The following ILKAP variants were observed in gnomAD, a reference collection of about 807,000 sequenced individuals.
ILKAP encodes ILK associated serine/threonine phosphatase.
ILKAP carries 11 observed loss-of-function variants against 49.1 expected under a neutral mutation model. The ratio of observed to expected loss-of-function variants is 0.22; its 90% CI spans 0.14 to 0.37. ILKAP has a LOEUF of 0.37. Ranked by LOEUF, ILKAP falls within the 10% of genes least tolerant of loss-of-function variation. The pLI, the probability that ILKAP is intolerant of heterozygous loss-of-function variation, is 1.00. For synonymous variants in ILKAP, 186 were observed against 192.8 expected (o/e 0.96, Z 0.29); for missense variants, 363 against 510.8 (o/e 0.71, Z 2.79).
At chr2:238,176,398 T>C (rs976238915) in intron 9 of ILKAP, among the ~76,000 whole-genome samples, 6 of 152,152 alleles carry the variant, frequency 3.9e-5, no homozygotes, top group Admixed American at 3.9e-4. Context: ...CCCAAAGTGC[T>C]GGGATTACAG....
chr2:238,171,700 C>T (rs928739963), intron 10 of ILKAP, among the ~76,000 whole-genome samples: 2 of 152,158 alleles, frequency 1.3e-5, no homozygotes, highest in African/African-American at 4.8e-5. Flanking sequence ...CACCATAGGC[C>T]TTACACCACT....
chr2:238,184,201 A>G (rs1252897996), intron 6 of ILKAP, 88 bp from the exon 7 acceptor site: 18 of 834,842 alleles, frequency 2.2e-5, no homozygotes, highest in African/African-American at 3.4e-5. Context: ...TTTTTGTTTT[A>G]TTTTTTTGAG....
intron 9 of ILKAP, among the ~76,000 whole-genome samples, chr2:238,180,871 T>G (rs547459882): frequency 6.6e-6 from 1 of 152,326 alleles, no homozygotes; most frequent in South Asian, 2.1e-4. Context: ...AATGTAAAAC[T>G]TACAAGAAAG....
chr2:238,203,570 A>T lies in ILKAP; in HGVS notation c.-17T>A, dbSNP rs1694668490. On this transcript the variant is annotated 5_prime_UTR_variant, in exon 1 of 12. Coordinates refer to ENST00000254654, the MANE Select transcript of ILKAP (RefSeq NM_030768.3). ...GAGGTCCATGGCGGAGGCTGGGTGGAGGCGGCAGCAGCGACAGACACTCAG... is the reference window on the plus strand; with the variant it reads ...GAGGTCCATGGCGGAGGCTGGGTGGTGGCGGCAGCAGCGACAGACACTCAG... 8 of 1,150,358 alleles carry T rather than the reference A, an allele frequency of 7.0e-6. No individual in the cohort carries two copies. The highest frequency in any genetic ancestry group is 4.2e-5 in the East Asian group (1 of 24,012). The allele number at this position is 1,150,358 out of a possible 1,614,324, so 71.3% of individuals were successfully genotyped here. A position where few individuals can be genotyped will look rare whatever the true frequency, so the allele number is the denominator to read the frequency against.
intron 1 of ILKAP, among the ~76,000 whole-genome samples, chr2:238,197,978 A>G (rs530856308): frequency 5.3e-5 from 8 of 152,308 alleles, no homozygotes; most frequent in Admixed American, 5.2e-4. Context: ...GTGGGGATTC[A>G]AAGCCATGCA....
chr2:238,196,263 G>GT (rs1247167376), intron 1 of ILKAP, among the ~76,000 whole-genome samples: 2 of 151,904 alleles, frequency 1.3e-5, no homozygotes, highest in Non-Finnish European at 2.9e-5. Context: ...AATAATTTTT[G>GT]TATTTTTAGT....
chr2:238,197,355 CCAGA>C (rs763508727), intron 1 of ILKAP, among the ~76,000 whole-genome samples: 7 of 152,194 alleles, frequency 4.6e-5, no homozygotes, highest in Non-Finnish European at 7.3e-5. Flanking sequence ...ATGAGATGTT[CCAGA>C]CAATCACGCT....
intron 1 of ILKAP, among the ~76,000 whole-genome samples, chr2:238,195,997 T>C (rs866345288): frequency 8.6e-4 from 90 of 104,864 alleles, no homozygotes; most frequent in African/African-American, 2.6e-3. Context: ...TGAGCCATGA[T>C]TGGGCCACTG....
intron 9 of ILKAP, 62 bp from the exon 10 acceptor site, chr2:238,173,715 G>C: frequency 6.5e-7 from 1 of 1,544,368 alleles, no homozygotes; most frequent in South Asian, 1.2e-5. Context: ...ACAGTACTTA[G>C]AATCTCACCT....
chr2:238,180,642 G>A (rs1049893322), intron 9 of ILKAP, among the ~76,000 whole-genome samples: 2 of 152,228 alleles, frequency 1.3e-5, no homozygotes, highest in African/African-American at 4.8e-5. Context: ...CAGGGGCAGC[G>A]ACCCACGCTG....
intron 3 of ILKAP, 150 bp from the exon 4 acceptor site, chr2:238,190,122 T>G: frequency 3.3e-6 from 2 of 610,544 alleles, no homozygotes; most frequent in Non-Finnish European, 5.1e-6. Context: ...TGTGTCTTCA[T>G]GGTTGGCGGG....
intron 5 of ILKAP, 147 bp from the exon 6 acceptor site, chr2:238,185,434 T>C: frequency 1.8e-6 from 1 of 545,802 alleles, no homozygotes; most frequent in Non-Finnish European, 3.3e-6. Context: ...CTGTTACAAA[T>C]GGGAAAAAAA....
At chr2:238,182,504 G>A (rs1240804180) in intron 8 of ILKAP, among the ~76,000 whole-genome samples, 1 of 152,188 alleles carries the variant, frequency 6.6e-6, no homozygotes, top group African/African-American at 2.4e-5. Context: ...CAAGTATCAA[G>A]GTCCCTTTTG....
chr2:238,189,997 AG>A (rs758497352), intron 3 of ILKAP, 25 bp from the exon 4 acceptor site: 1 of 1,612,994 alleles, frequency 6.2e-7, no homozygotes, highest in Admixed American at 1.7e-5. Context: ...AAAGCCAGAC[AG>A]AAACACAGCT....
intron 4 of ILKAP, among the ~76,000 whole-genome samples, chr2:238,189,441 T>C (rs1358206571): frequency 6.6e-6 from 1 of 152,244 alleles, no homozygotes; most frequent in East Asian, 1.9e-4. Flanking sequence ...TGACTACAAA[T>C]TTCAACGGCT....
chr2:238,196,086 C>CTTTTTT (rs34504570), intron 1 of ILKAP, among the ~76,000 whole-genome samples: 10 of 77,468 alleles, frequency 1.3e-4, no homozygotes, highest in Admixed American at 3.9e-4. Context: ...AACCAATTCA[C>CTTTTTT]TTTTTTTTTT....
chr2:238,183,429 C>G (rs996399193), intron 8 of ILKAP, among the ~76,000 whole-genome samples: 1 of 152,176 alleles, frequency 6.6e-6, no homozygotes, highest in Non-Finnish European at 1.5e-5. Context: ...TTTTAAAGCA[C>G]AAGTCTATCA....
At chr2:238,191,997 G>C (rs903141103) in intron 3 of ILKAP, among the ~76,000 whole-genome samples, 2 of 149,792 alleles carry the variant, frequency 1.3e-5, no homozygotes, top group Non-Finnish European at 3.0e-5. Context: ...CGGATCATGA[G>C]GTCAAGAGAT....
intron 9 of ILKAP, among the ~76,000 whole-genome samples, chr2:238,177,264 C>T: frequency 6.7e-6 from 1 of 148,442 alleles, no homozygotes; most frequent in East Asian, 1.9e-4. Context: ...TGTCTTTTTA[C>T]TCAATTTAGA....
Sources: allele counts gnomAD v4.1 joint callset (sites outside exome capture counted in the v4.1 genomes callset), GRCh38; gene constraint gnomAD v4.1.1; transcripts MANE v1.5; gene names NCBI Gene and HGNC (gene_info 2026-07-23, HGNC 2026-07-21).